CLMN: variants seen among roughly 807,000 people sequenced by gnomAD.
CLMN encodes the protein calmin, also known as calmin (calponin-like, transmembrane).
A neutral mutation model predicts 92.7 loss-of-function variants in CLMN; 57 were observed. That is an observed-to-expected ratio of 0.61 (90% CI 0.50 to 0.77). The LOEUF (loss-of-function observed/expected upper bound fraction) is 0.77, where lower values mean the gene tolerates loss of function less well. Among genes scored for constraint, CLMN ranks in the 30% least tolerant of loss-of-function variants. The pLI, the probability that CLMN is intolerant of heterozygous loss-of-function variation, is 0.00. For missense variants in CLMN, 1,158 were observed against 1,237.5 expected (o/e 0.94, Z 0.96); for synonymous variants, 466 against 470.6 (o/e 0.99, Z 0.13).
Position 95,204,015 on chromosome 14 carries a change from C to A in CLMN, c.1334G>T (p.Cys445Phe). The A allele has an allele frequency of 6.2e-7, 1 of 1,614,206 alleles. No homozygotes were observed. The part of the protein sequence containing the change: ...DPFCSKNLSL[C>F]FEGSPRVAKE... ...TGCCACTCTTGGGCTCCCTTCAAAG[C>A]AAAGGGACAGGTTCTTACTGCAGAA... is the stretch of plus-strand genomic sequence containing the variant. The change falls in exon 9 of 13, where the codon TGC becomes TTC. Residue 445 changes from cysteine (C) to phenylalanine (F), a missense_variant. Coordinates refer to ENST00000298912, the MANE Select transcript of CLMN (RefSeq NM_024734.4).
intron 1 of CLMN, among the ~76,000 whole-genome samples, chr14:95,284,482 C>T (rs1001704052): frequency 1.2e-4 from 19 of 152,184 alleles, no homozygotes; most frequent in African/African-American, 4.3e-4. Context: ...GGAAAAAACA[C>T]AGACACTCAA....
chr14:95,286,998 C>A (rs149867673), intron 1 of CLMN, among the ~76,000 whole-genome samples: 1 of 152,204 alleles, frequency 6.6e-6, no homozygotes, highest in Non-Finnish European at 1.5e-5. Context: ...AGATGCCACA[C>A]GTGAGCTGCC....
In CLMN at chr14:95,185,296, G is replaced by A. The variant is rs1168349071; in HGVS notation, c.*6268C>T. On this transcript the variant is annotated 3_prime_UTR_variant, in exon 13 of 13. Transcript: ENST00000298912. ...GAGAGCAAGGCGCAAGATCTGTGGA[G>A]CTCAAGGGGATGCTTGTGTCTCATG... 1.3e-5 allele frequency: 2 copies of A among 152,298 alleles called. No individual in the cohort carries two copies. Among genetic ancestry groups the A allele is most frequent in the Non-Finnish European group, 2.9e-5 (2 of 68,092 alleles). 9.4% of individuals were successfully genotyped at this position (152,298 alleles called of 1,614,324 possible). A position where few individuals can be genotyped will look rare whatever the true frequency, so the allele number is the denominator to read the frequency against.
rs1331030090 is a variant in CLMN at position 95,194,869 on chromosome 14, C to T, written c.2709-273G>A. Among the ~76,000 whole-genome samples the T allele has an allele frequency of 6.6e-6, 1 of 152,222 alleles. No individual in the cohort carries two copies. Among genetic ancestry groups the T allele is most frequent in the Non-Finnish European group, 1.5e-5 (1 of 68,048 alleles). On this transcript the variant is annotated intron_variant, in intron 10 of 12. Transcript: ENST00000298912. The surrounding 1 kb of genome is among the most constrained non-coding windows in gnomAD (Gnocchi z 4.0). ...TTAAATAGAAAGCAAGGCACATATT[C>T]TTAAAAATCAAAGCATTTGGAGCAG...
At chr14:95,268,788 C>A (rs1336624743) in intron 1 of CLMN, among the ~76,000 whole-genome samples, 4 of 126,458 alleles carry the variant, frequency 3.2e-5, no homozygotes, top group African/African-American at 1.3e-4. Context: ...CTCTCTCTCT[C>A]TCTCTCTTTT....
At chr14:95,317,640 G>C (rs4905290) in intron 1 of CLMN, among the ~76,000 whole-genome samples, 1 of 151,552 alleles carries the variant, frequency 6.6e-6, no homozygotes, top group Non-Finnish European at 1.5e-5. Flanking sequence ...GTATGATCCA[G>C]TTGTATATCA....
rs113833749 is a variant in CLMN at position 95,287,401 on chromosome 14, C to T, written c.82+32310G>A. Among the ~76,000 whole-genome samples, 1,019 of 152,296 alleles carry T rather than the reference C, an allele frequency of 6.7e-3. 21 individuals are homozygous for T. The highest frequency in any genetic ancestry group is 0.024 in the African/African-American group (983 of 41,550). On this transcript the variant is annotated intron_variant, in intron 1 of 12. Coordinates refer to ENST00000298912, the MANE Select transcript of CLMN (RefSeq NM_024734.4). ...AACCTGCCCGCCCTTCTCAGCATGG[C>T]GCGATGTTCAGGCATCTCTGGGATG...
chr14:95,199,593 T>C (rs1158862410), intron 9 of CLMN, among the ~76,000 whole-genome samples: 1 of 152,066 alleles, frequency 6.6e-6, no homozygotes, highest in Non-Finnish European at 1.5e-5. Flanking sequence ...GTCTCTAGCA[T>C]CCAAAGATCA....
chr14:95,306,223 G>C (rs1451780310), intron 1 of CLMN, among the ~76,000 whole-genome samples: 1 of 152,270 alleles, frequency 6.6e-6, no homozygotes, highest in African/African-American at 2.4e-5. Flanking sequence ...CTCAAGAAGA[G>C]AGAACTAGCC....
At position 95,183,337 on chromosome 14, in the gene CLMN, C is replaced by T. The variant is rs1347897387; in HGVS notation, c.*8227G>A. The T allele has an allele frequency of 6.6e-6, 1 of 152,238 alleles. No homozygotes were observed. Among genetic ancestry groups the T allele is most frequent in the Non-Finnish European group, 1.5e-5 (1 of 68,048 alleles). 9.4% of individuals were successfully genotyped at this position (152,238 alleles called of 1,614,324 possible). A position where few individuals can be genotyped will look rare whatever the true frequency, so the allele number is the denominator to read the frequency against. On this transcript the variant is annotated 3_prime_UTR_variant, in exon 13 of 13. Coordinates refer to ENST00000298912, the MANE Select transcript of CLMN (RefSeq NM_024734.4). ...GCATGGGCTTGTAGAGAATACACAC[C>T]TATTGATTTTTGCTGGGGCTAAAGG...
intron 1 of CLMN, among the ~76,000 whole-genome samples, chr14:95,284,653 A>T (rs1900271189): frequency 6.6e-6 from 1 of 152,096 alleles, no homozygotes; most frequent in Non-Finnish European, 1.5e-5. Context: ...CCCAAATTTC[A>T]GACTTGCACA....
At chr14:95,295,733 C>T (rs1197391701) in intron 1 of CLMN, among the ~76,000 whole-genome samples, 2 of 152,230 alleles carry the variant, frequency 1.3e-5, no homozygotes, top group Non-Finnish European at 2.9e-5. Flanking sequence ...TGACAGGTGG[C>T]CAATGACAGA....
intron 9 of CLMN, among the ~76,000 whole-genome samples, chr14:95,197,276 GA>G (rs1245028570): frequency 6.6e-6 from 1 of 150,640 alleles, no homozygotes; most frequent in Non-Finnish European, 1.5e-5. Context: ...AAAAGAGGAG[GA>G]GGAAGAAGGA....
intron 5 of CLMN, among the ~76,000 whole-genome samples, chr14:95,214,027 C>T (rs1897264378): frequency 6.6e-6 from 1 of 151,920 alleles, no homozygotes; most frequent in Non-Finnish European, 1.5e-5. Flanking sequence ...TCACTTCTTC[C>T]AGGAAGTTTT....
chr14:95,186,453 C>A lies in CLMN; in HGVS notation c.*5111G>T, dbSNP rs1300106423. The A allele has an allele frequency of 6.6e-6, 1 of 152,208 alleles. No homozygotes were observed. Among genetic ancestry groups the A allele is most frequent in the Non-Finnish European group, 1.5e-5 (1 of 68,044 alleles). 9.4% of individuals were successfully genotyped at this position (152,208 alleles called of 1,614,324 possible). On this transcript the variant is annotated 3_prime_UTR_variant, in exon 13 of 13. Coordinates refer to ENST00000298912, the MANE Select transcript of CLMN (RefSeq NM_024734.4). ...CAAAGGTCAGGTCTGACCAGGAAGC[C>A]CCGACCACCTGATCATCAACTATGG... is the stretch of plus-strand genomic sequence containing the variant.
intron 1 of CLMN, among the ~76,000 whole-genome samples, chr14:95,312,633 C>G (rs1901591395): frequency 6.6e-6 from 1 of 152,216 alleles, no homozygotes; most frequent in Non-Finnish European, 1.5e-5. Flanking sequence ...CTGATTCCAG[C>G]CTTCCAGGCC....
chr14:95,211,749 C>T (rs996700923), intron 6 of CLMN, among the ~76,000 whole-genome samples: 1 of 152,056 alleles, frequency 6.6e-6, no homozygotes, highest in Non-Finnish European at 1.5e-5. Context: ...AGTCTCTACT[C>T]TTTCCCCAGC....
chr14:95,218,307 A>G (rs1375637034), intron 4 of CLMN, among the ~76,000 whole-genome samples: 1 of 152,060 alleles, frequency 6.6e-6, no homozygotes, highest in East Asian at 1.9e-4. Flanking sequence ...CATTTTAGAG[A>G]TGAGGAAGTT....
intron 10 of CLMN, 119 bp downstream of exon 10, chr14:95,196,379 G>GT (rs1254195592): frequency 1.1e-5 from 11 of 982,082 alleles, no homozygotes; most frequent in Non-Finnish European, 1.6e-5. Flanking sequence ...GTATGAAGCT[G>GT]TATTTCCCTT....
Sources: gnomAD v4.1 joint callset for allele counts (sites outside exome capture counted in the v4.1 genomes callset) on GRCh38, gnomAD v4.1.1 for gene constraint, Gnocchi (gnomAD v3.1) non-coding constraint, MANE v1.5 for transcripts, NCBI Gene and HGNC (gene_info 2026-07-23, HGNC 2026-07-21) for gene names.